SURF2: variants seen among roughly 807,000 people sequenced by gnomAD.
The protein encoded by SURF2 is surfeit 2, also known as surfeit locus protein 2.
Under a neutral mutation model 26.2 loss-of-function variants are expected in SURF2, and 32 were observed. The ratio of observed to expected loss-of-function variants is 1.22; its 90% CI spans 0.92 to 1.64. The LOEUF is 1.64. Among genes scored for constraint, SURF2 ranks in the 40% most tolerant of loss-of-function variants. The pLI is 0.00. For synonymous variants in SURF2, 173 were observed against 139.1 expected (o/e 1.24, Z -1.71); for missense variants, 415 against 341.6 (o/e 1.21, Z -1.69).
chr9:133,357,599 C>A, intron 2 of SURF2, 112 bp from the exon 3 acceptor site: 1 of 1,000,342 alleles, frequency 1.0e-6, no homozygotes, highest in Non-Finnish European at 1.5e-6. Flanking sequence ...CCTTTAAAAG[C>A]CCGATGTCCA....
At chr9:133,356,851 G>A (rs1290518385) in intron 1 of SURF2, 63 bp from the exon 2 acceptor site, 1 of 1,481,866 alleles carries the variant, frequency 6.7e-7, no homozygotes, top group Non-Finnish European at 9.0e-7. Context: ...GGCGCGGCAG[G>A]AGGGGGCACC....
intron 2 of SURF2, chr9:133,357,335 G>A: frequency 1.9e-6 from 1 of 526,306 alleles, no homozygotes; most frequent in Non-Finnish European, 3.3e-6. Flanking sequence ...GAACAGCGTT[G>A]GGTTCTTCCC....
rs2130050895 is a variant in SURF2 at position 133,360,383 on chromosome 9, G to A, written c.636G>A (p.Glu212=). 6.2e-7 allele frequency: 1 copy of A among 1,613,612 alleles called. No individual in the cohort carries two copies. Among genetic ancestry groups the A allele is most frequent in the Non-Finnish European group, 8.5e-7 (1 of 1,179,996 alleles). ...AKPPREKATD[E]GRRETTVYRG... ...CCCCAAGAGAGAAGGCCACTGATGAGGGCAGGAGAGAGACGACCGTGTACC... is the reference window on the plus strand; with the variant it reads ...CCCCAAGAGAGAAGGCCACTGATGAAGGCAGGAGAGAGACGACCGTGTACC... The change falls in exon 5 of 6, where the codon GAG becomes GAA. Residue 212 remains glutamate, a synonymous_variant. Transcript: ENST00000371964.
At chr9:133,357,359 G>C in intron 2 of SURF2, 1 of 520,498 alleles carries the variant, frequency 1.9e-6, no homozygotes, top group Non-Finnish European at 3.4e-6. Context: ...ACCCCAGAAG[G>C]GGTCTTTGAT....
chr9:133,358,885 T>A (rs2130040843), intron 3 of SURF2, among the ~76,000 whole-genome samples: 3 of 152,172 alleles, frequency 2.0e-5, no homozygotes, highest in South Asian at 4.1e-4. Flanking sequence ...AAGATGCGTC[T>A]ACGGGCTTCT....
In SURF2 at chr9:133,357,052, C is replaced by A; in HGVS notation, c.217C>A (p.Pro73Thr). 6.3e-7 allele frequency: 1 copy of A among 1,580,790 alleles called. No individual in the cohort carries two copies. Among genetic ancestry groups the A allele is most frequent in the East Asian group, 2.3e-5 (1 of 43,506 alleles). Reference sequence around the variant, plus strand: ...TGCAGAGTTCGAGCCGCACATCGTGCCCAGCACCAAGAACCCGTAGGTGGT... The same window carrying A: ...TGCAGAGTTCGAGCCGCACATCGTGACCAGCACCAAGAACCCGTAGGTGGT... ...DYAEFEPHIV[P>T]STKNPHQLFC... Residue 73 changes from proline (P) to threonine (T), a missense_variant, in exon 2 of 6, where the codon CCC (proline) becomes ACC (threonine). Coordinates refer to ENST00000371964, the MANE Select transcript of SURF2 (RefSeq NM_017503.5).
rs2130051826 is a variant in SURF2 at position 133,360,431 on chromosome 9, G to A, written c.684G>A (p.Gly228=). The A allele has an allele frequency of 6.2e-7, 1 of 1,605,444 alleles. No individual in the cohort carries two copies. The highest frequency in any genetic ancestry group is 8.5e-7 in the Non-Finnish European group (1 of 1,178,320). The change falls in exon 5 of 6, where the codon GGG becomes GGA. Residue 228 remains glycine, a synonymous_variant. Transcript: ENST00000371964. ...ACCGAGGGCTGGTCCAGAAGCGCGG[G>A]AAGGTGAGCTGTCACCTCCTCTGTT... ...TVYRGLVQKR[G]KKQLGSLKKK... is the part of the protein sequence containing the mutation.
intron 4 of SURF2, 29 bp from the exon 5 acceptor site, chr9:133,360,236 C>T: frequency 1.2e-6 from 2 of 1,608,888 alleles, no homozygotes; most frequent in South Asian, 2.2e-5. Context: ...CCTAAAATAA[C>T]TGTCAGCCAA....
chr9:133,359,306 G>A (rs1290997863), intron 3 of SURF2, among the ~76,000 whole-genome samples: 3 of 152,176 alleles, frequency 2.0e-5, no homozygotes, highest in Non-Finnish European at 2.9e-5. Flanking sequence ...GAGATGGGCC[G>A]CCACATCAAT....
Position 133,357,770 on chromosome 9 carries a change from T to C in SURF2, c.293T>C (p.Leu98Pro), listed in dbSNP as rs142739502. 1,236 of 1,613,668 alleles carry C rather than the reference T, an allele frequency of 7.7e-4. 1 individual carries two copies. The highest frequency in any genetic ancestry group is 8.7e-4 in the Non-Finnish European group (1,030 of 1,180,038). The change falls in exon 3 of 6, where the codon CTG becomes CCG. Residue 98 changes from leucine (L) to proline (P), a missense_variant. Transcript: ENST00000371964. ...ATCAACAAGTGCCCAGAACACGTGC[T>C]GAGGCACACCCAGGGCCGGCGGTAC... ...RHINKCPEHV[L>P]RHTQGRRYQR...
intron 2 of SURF2, 153 bp downstream of exon 2, chr9:133,357,221 G>A: frequency 1.0e-6 from 1 of 957,732 alleles, no homozygotes; most frequent in South Asian, 1.9e-5. Context: ...CGGTCCCAGC[G>A]GCGAGGCCTC....
chr9:133,360,555 A>G lies in SURF2; in HGVS notation c.687+121A>G, dbSNP rs2130052952. 6.7e-5 allele frequency: 85 copies of G among 1,260,028 alleles called. No homozygotes were observed. The South Asian group carries it at 1.3e-3, about 19-fold the overall frequency. The allele number at this position is 1,260,028 out of a possible 1,614,324, so 78.1% of individuals were successfully genotyped here. On this transcript the variant is annotated intron_variant, in intron 5 of 5. Coordinates refer to ENST00000371964, the MANE Select transcript of SURF2 (RefSeq NM_017503.5). ...TGAAATCCCAAGCCAACAACACACA[A>G]GAACCATAGAAGCCGAGGCCGCTGG...
intron 3 of SURF2, among the ~76,000 whole-genome samples, chr9:133,358,769 G>A (rs1299762594): frequency 5.3e-5 from 8 of 152,192 alleles, no homozygotes; most frequent in African/African-American, 1.2e-4. Flanking sequence ...GGCAGTGTCC[G>A]GCCTTAGGCA....
At chr9:133,356,816 G>A in intron 1 of SURF2, 98 bp from the exon 2 acceptor site, 2 of 1,443,298 alleles carry the variant, frequency 1.4e-6, no homozygotes, top group Non-Finnish European at 1.8e-6. Flanking sequence ...AGGGCGCGGC[G>A]GGATCAGGGG....
At chr9:133,360,657 C>G (rs1490168594) in intron 5 of SURF2, among the ~76,000 whole-genome samples, 2 of 152,250 alleles carry the variant, frequency 1.3e-5, no homozygotes. Context: ...GGACCACGGT[C>G]AAGACCACTG....
rs2130049881 is a variant in SURF2, at chr9:133,360,308, G to A, written c.561G>A (p.Gly187=). ...AGGACCTTGGAAGCACGGAGGATGG[G>A]GATGGCACTGATGACTTTTTGACAG... The part of the protein sequence containing the change: ...TRKDLGSTED[G]DGTDDFLTDK... The change falls in exon 5 of 6, where the codon GGG becomes GGA. Residue 187 remains glycine (G), a synonymous_variant. Coordinates refer to ENST00000371964, the MANE Select transcript of SURF2 (RefSeq NM_017503.5). 2 of 1,614,180 alleles carry A rather than the reference G, an allele frequency of 1.2e-6. No individual in the cohort carries two copies. Among genetic ancestry groups the A allele is most frequent in the Non-Finnish European group, 8.5e-7 (1 of 1,180,030 alleles).
At position 133,356,557 on chromosome 9, in the gene SURF2, C is replaced by G; in HGVS notation, c.-36C>G. 1 of 1,502,458 alleles carries G rather than the reference C, an allele frequency of 6.7e-7. No individual in the cohort carries two copies. 93.1% of individuals were successfully genotyped at this position (1,502,458 alleles called of 1,614,324 possible). ...CGCCCCCGGCTCCAGGTTCTGCGAGCGGCTTCCGCCGGGCTGCTCCGCGGG... is the reference window on the plus strand; with the variant it reads ...CGCCCCCGGCTCCAGGTTCTGCGAGGGGCTTCCGCCGGGCTGCTCCGCGGG... On this transcript the variant is annotated 5_prime_UTR_variant, in exon 1 of 6. Transcript: ENST00000371964.
At chr9:133,359,371 G>A (rs143102208) in intron 3 of SURF2, among the ~76,000 whole-genome samples, 2 of 152,302 alleles carry the variant, frequency 1.3e-5, no homozygotes, top group Admixed American at 6.5e-5. Flanking sequence ...TGGTAGCTGC[G>A]CTGGGCTGGA....
chr9:133,360,545 A>G (rs1340023570), intron 5 of SURF2, 111 bp downstream of exon 5: 29 of 1,311,692 alleles, frequency 2.2e-5, no homozygotes, highest in Admixed American at 8.5e-5. Context: ...TCCCAAGCCA[A>G]CAACACACAA....
Sources: gnomAD v4.1 joint callset for allele counts (sites outside exome capture counted in the v4.1 genomes callset) on GRCh38, gnomAD v4.1.1 for gene constraint, MANE v1.5 for transcripts, NCBI Gene and HGNC (gene_info 2026-07-23, HGNC 2026-07-21) for gene names.